Variants in AHI1 observed in about 807,000 individuals in gnomAD.
The protein encoded by AHI1 is Abelson helper integration site 1.
In AHI1, 123 loss-of-function variants were observed where a neutral mutation model predicts 149.3. That is an observed-to-expected ratio of 0.82 (90% CI 0.71 to 0.96). The LOEUF (loss-of-function observed/expected upper bound fraction) is 0.96, where lower values mean the gene tolerates loss of function less well. AHI1 is among the 40% of genes least tolerant of loss of function. The pLI, the probability that AHI1 is intolerant of heterozygous loss-of-function variation, is 0.00. For missense variants in AHI1, 1,439 were observed against 1,422.7 expected (o/e 1.01, Z -0.18); for synonymous variants, 475 against 459.8 (o/e 1.03, Z -0.42).
At chr6:135,376,418 G>C (rs530609452) in intron 23 of AHI1, among the ~76,000 whole-genome samples, 1 of 152,214 alleles carries the variant, frequency 6.6e-6, no homozygotes, top group East Asian at 1.9e-4. Flanking sequence ...CTTAATTAAG[G>C]ACTAAACTTG....
chr6:135,475,772 C>A (rs941132835), intron 5 of AHI1, among the ~76,000 whole-genome samples: 8 of 152,160 alleles, frequency 5.3e-5, no homozygotes, highest in Non-Finnish European at 7.4e-5. Context: ...TCCCATGCAC[C>A]TTTTCCCTTT....
intron 26 of AHI1, among the ~76,000 whole-genome samples, chr6:135,307,374 G>A (rs372767083): frequency 8.5e-5 from 13 of 152,168 alleles, no homozygotes; most frequent in South Asian, 4.1e-4. Context: ...AAAGATTAGC[G>A]TATGTTTAAC....
rs145114202 is a variant in AHI1, at chr6:135,475,669, T to C, written c.136-8035A>G. 3.3e-3 allele frequency among the ~76,000 whole-genome samples: 500 copies of C among 152,296 alleles called. 3 individuals are homozygous for C. The highest frequency in any genetic ancestry group is 0.011 in the African/African-American group (459 of 41,556). On this transcript the variant is annotated intron_variant, in intron 5 of 28. Coordinates refer to ENST00000265602, the MANE Select transcript of AHI1 (RefSeq NM_001134831.2). Reference sequence around the variant, plus strand: ...CCTGGGTGGCAACACTTTGCACATTTTGTCACATGTTGTTGGAGGAATTAA... The same window carrying C: ...CCTGGGTGGCAACACTTTGCACATTCTGTCACATGTTGTTGGAGGAATTAA...
chr6:135,352,755 T>C (rs1044939951), intron 24 of AHI1, among the ~76,000 whole-genome samples: 1 of 140,604 alleles, frequency 7.1e-6, no homozygotes, highest in African/African-American at 2.5e-5. Flanking sequence ...TACACACACA[T>C]ATATATATGT....
intron 13 of AHI1, 77 bp from the exon 14 acceptor site, chr6:135,442,791 T>C (rs1171741536): frequency 3.0e-6 from 4 of 1,353,600 alleles, no homozygotes; most frequent in Non-Finnish European, 3.0e-6. Context: ...TCAATTACTG[T>C]AGTTCTTTTA....
chr6:135,389,939 G>A (rs1298847352), intron 23 of AHI1, among the ~76,000 whole-genome samples: 1 of 152,054 alleles, frequency 6.6e-6, no homozygotes, highest in Non-Finnish European at 1.5e-5. Flanking sequence ...CAACCCATGG[G>A]CCACATGATG....
chr6:135,347,852 A>G (rs1369361611), intron 24 of AHI1, among the ~76,000 whole-genome samples: 1 of 152,242 alleles, frequency 6.6e-6, no homozygotes, highest in African/African-American at 2.4e-5. Flanking sequence ...GAAGCCAAAA[A>G]GTACTCCCAG....
intron 27 of AHI1, among the ~76,000 whole-genome samples, chr6:135,298,005 T>G (rs529039469): frequency 6.6e-6 from 1 of 152,082 alleles, no homozygotes; most frequent in Non-Finnish European, 1.5e-5. Flanking sequence ...ACAAAGCTGT[T>G]AATGAAATAA....
At chr6:135,469,648 T>C (rs1302142101) in intron 5 of AHI1, among the ~76,000 whole-genome samples, 1 of 151,722 alleles carries the variant, frequency 6.6e-6, no homozygotes, top group African/African-American at 2.4e-5. Context: ...AGAAATAAGA[T>C]CTCAGAAATA....
intron 5 of AHI1, among the ~76,000 whole-genome samples, chr6:135,470,515 C>T (rs1387486099): frequency 2.0e-5 from 3 of 151,930 alleles, no homozygotes; most frequent in South Asian, 2.1e-4. Flanking sequence ...TACATGCATG[C>T]GTATGTTCAC....
At chr6:135,307,042 G>C (rs1784605009) in intron 26 of AHI1, 1 of 152,196 alleles carries the variant, frequency 6.6e-6, no homozygotes, top group Non-Finnish European at 1.5e-5. Context: ...CAAATACAGT[G>C]GTGTGTAAGA....
At chr6:135,342,499 A>G (rs907055226) in intron 24 of AHI1, among the ~76,000 whole-genome samples, 1 of 151,856 alleles carries the variant, frequency 6.6e-6, no homozygotes, top group African/African-American at 2.4e-5. Context: ...CCTCAAAAAT[A>G]TACCAATAAA....
intron 5 of AHI1, among the ~76,000 whole-genome samples, chr6:135,474,943 C>T (rs577213700): frequency 6.6e-6 from 1 of 152,286 alleles, no homozygotes; most frequent in South Asian, 2.1e-4. Context: ...ACAAGGATCA[C>T]CTCTTATTTT....
chr6:135,370,310 GGGGACTTT>G (rs1355520413), intron 23 of AHI1, among the ~76,000 whole-genome samples: 1 of 152,066 alleles, frequency 6.6e-6, no homozygotes, highest in African/African-American at 2.4e-5. Context: ...TTCCTTCTAG[GGGGACTTT>G]GGGATTTAAA....
chr6:135,455,714 T>G lies in AHI1; in HGVS notation c.1344+20A>C. On this transcript the variant is annotated intron_variant, in intron 10 of 28. Transcript: ENST00000265602. ...AATATTAACTATCGTTTAATTTGAA[T>G]TGGTCCATTCAATTCATACCTCAAA... The G allele has an allele frequency of 2.0e-6, 3 of 1,490,228 alleles. No individual in the cohort carries two copies. The highest frequency in any genetic ancestry group is 2.7e-6 in the Non-Finnish European group (3 of 1,100,088). 92.3% of individuals were successfully genotyped at this position (1,490,228 alleles called of 1,614,324 possible). A position where few individuals can be genotyped will look rare whatever the true frequency, so the allele number is the denominator to read the frequency against.
intron 23 of AHI1, among the ~76,000 whole-genome samples, chr6:135,382,631 G>A (rs73559984): frequency 0.02 from 3,064 of 151,842 alleles, 49 homozygotes; most frequent in African/African-American, 0.032. Flanking sequence ...ATGACCTAAG[G>A]GTAAATGAGA....
chr6:135,330,137 G>C (rs571367299), intron 24 of AHI1, among the ~76,000 whole-genome samples: 127 of 152,322 alleles, frequency 8.3e-4, no homozygotes, highest in African/African-American at 3.0e-3. Flanking sequence ...AAATTTAGTT[G>C]ATAAAGCAGC....
intron 23 of AHI1, among the ~76,000 whole-genome samples, chr6:135,386,347 TC>T: frequency 6.6e-6 from 1 of 151,876 alleles, no homozygotes; most frequent in African/African-American, 2.4e-5. Flanking sequence ...GTCTCGCTCT[TC>T]CGCCCAGGCT....
Position 135,329,219 on chromosome 6 carries a change from A to C in AHI1, c.3166-5895T>G, listed in dbSNP as rs1010494746. Among the ~76,000 whole-genome samples the C allele has an allele frequency of 4.1e-4, 62 of 152,360 alleles. 1 individual carries two copies. Among genetic ancestry groups the C allele is most frequent in the African/African-American group, 1.4e-3 (60 of 41,584 alleles). ...GAATAGATTTTCTCAATGGAGATTTAAACAGACTTATATTGGAAGAAGATG... is the reference window on the plus strand; with the variant it reads ...GAATAGATTTTCTCAATGGAGATTTCAACAGACTTATATTGGAAGAAGATG... On this transcript the variant is annotated intron_variant, in intron 24 of 28. Coordinates refer to ENST00000265602, the MANE Select transcript of AHI1 (RefSeq NM_001134831.2).
Sources: allele counts gnomAD v4.1 joint callset (sites outside exome capture counted in the v4.1 genomes callset), GRCh38; gene constraint gnomAD v4.1.1; transcripts MANE v1.5; gene names NCBI Gene and HGNC (gene_info 2026-07-23, HGNC 2026-07-21).